The following POFUT1 variants were observed in gnomAD, a reference collection of about 807,000 sequenced individuals.
POFUT1 encodes the protein GDP-fucose protein O-fucosyltransferase 1.
POFUT1 carries 16 observed loss-of-function variants against 42.4 expected under a neutral mutation model. The ratio of observed to expected loss-of-function variants is 0.38; its 90% CI spans 0.26 to 0.57. The LOEUF is 0.57. Among genes scored for constraint, POFUT1 ranks in the 20% least tolerant of loss-of-function variants. The pLI, the probability that POFUT1 is intolerant of heterozygous loss-of-function variation, is 0.71. For synonymous variants in POFUT1, 206 were observed against 205.4 expected (o/e 1.00, Z -0.03); for missense variants, 470 against 504.6 (o/e 0.93, Z 0.66).
Position 32,234,700 on chromosome 20 carries a change from C to T in POFUT1, c.*39C>T. 1 of 1,532,718 alleles carries T rather than the reference C, an allele frequency of 6.5e-7. No homozygotes were observed. The highest frequency in any genetic ancestry group is 8.8e-7 in the Non-Finnish European group (1 of 1,130,258). The allele number at this position is 1,532,718 out of a possible 1,614,324, so 94.9% of individuals were successfully genotyped here. On this transcript the variant is annotated 3_prime_UTR_variant, in exon 7 of 7. Coordinates refer to ENST00000375749, the MANE Select transcript of POFUT1 (RefSeq NM_015352.2). ...ACCAGACCCTCTGATCCTGGAGGGACCAGAGTCTGAGCTGGTCCTTCCAGC... is the reference window on the plus strand; with the variant it reads ...ACCAGACCCTCTGATCCTGGAGGGATCAGAGTCTGAGCTGGTCCTTCCAGC...
chr20:32,217,160 A>T (rs577250340), intron 4 of POFUT1: 1 of 1,528,758 alleles, frequency 6.5e-7, no homozygotes, highest in East Asian at 2.3e-5. Context: ...CCCTGTTTTT[A>T]AAAAATATAG....
chr20:32,216,794 C>T (rs1239399453), intron 4 of POFUT1, 73 bp downstream of exon 4: 2 of 1,360,542 alleles, frequency 1.5e-6, no homozygotes, highest in Non-Finnish European at 1.0e-6. Context: ...CACCTTCTGG[C>T]ACTCTCCCCA....
intron 4 of POFUT1, among the ~76,000 whole-genome samples, chr20:32,224,143 A>G (rs1007337869): frequency 6.6e-5 from 10 of 152,160 alleles, no homozygotes; most frequent in African/African-American, 2.4e-4. Flanking sequence ...TGTAATCCCA[A>G]CACTTTGGGA....
At chr20:32,223,540 C>A (rs548246945) in intron 4 of POFUT1, 22 of 982,386 alleles carry the variant, frequency 2.2e-5, no homozygotes, top group Non-Finnish European at 2.5e-5. Flanking sequence ...TCCTGATATT[C>A]CAGCCCCACT....
chr20:32,211,110 T>C (rs2047325480), intron 2 of POFUT1, among the ~76,000 whole-genome samples: 1 of 152,124 alleles, frequency 6.6e-6, no homozygotes, highest in Admixed American at 6.6e-5. Flanking sequence ...CTGGTAATGA[T>C]TCTTGTTACC....
chr20:32,230,860 G>T lies in POFUT1; in HGVS notation c.777G>T (p.Ser259=), dbSNP rs146009948. 5.6e-6 allele frequency: 9 copies of T among 1,613,892 alleles called. No individual in the cohort carries two copies. The highest frequency in any genetic ancestry group is 7.6e-6 in the Non-Finnish European group (9 of 1,180,036). The part of the protein sequence containing the change: ...CAMLKDGTAG[S]HFMASPQCVG... ...TGCTGAAGGACGGGACTGCAGGCTC[G>T]CACTTCATGGCCTCTCCGCAGTGTG... The change falls in exon 6 of 7, where the codon TCG becomes TCT. Residue 259 remains serine, a synonymous_variant. Coordinates refer to ENST00000375749, the MANE Select transcript of POFUT1 (RefSeq NM_015352.2).
intron 4 of POFUT1, chr20:32,217,131 T>C: frequency 1.3e-6 from 2 of 1,588,434 alleles, no homozygotes; most frequent in Non-Finnish European, 1.7e-6. Context: ...GACGTGTTTA[T>C]TAATTGCACC....
intron 2 of POFUT1, among the ~76,000 whole-genome samples, chr20:32,212,327 A>G (rs909414082): frequency 5.3e-5 from 8 of 151,322 alleles, no homozygotes; most frequent in Non-Finnish European, 8.8e-5. Flanking sequence ...GGTGAAGTGC[A>G]GTGGCATGAT....
Position 32,210,121 on chromosome 20 carries a change from A to G in POFUT1, c.175A>G (p.Lys59Glu), listed in dbSNP as rs1291098420. 1.2e-6 allele frequency: 2 copies of G among 1,614,112 alleles called. No individual in the cohort carries two copies. The highest frequency in any genetic ancestry group is 1.7e-5 in the Admixed American group (1 of 60,026). ...DHFLGSLAFAKLLNRTLAVPP... is the reference protein window; with the variant it reads ...DHFLGSLAFAELLNRTLAVPP... Reference sequence around the variant, plus strand: ...CTTCTTGGGCTCTCTGGCATTTGCAAAGCTGCTAAACCGTACCTTGGCTGT... The same window carrying G: ...CTTCTTGGGCTCTCTGGCATTTGCAGAGCTGCTAAACCGTACCTTGGCTGT... The change falls in exon 2 of 7, where the codon AAG (lysine) becomes GAG (glutamate). Residue 59 changes from lysine (K) to glutamate (E), a missense_variant. Transcript: ENST00000375749.
At chr20:32,209,157 C>T (rs1045356967) in intron 1 of POFUT1, among the ~76,000 whole-genome samples, 9 of 152,200 alleles carry the variant, frequency 5.9e-5, no homozygotes, top group Non-Finnish European at 1.3e-4. Flanking sequence ...CACACATGCT[C>T]AGGTCTTCCA....
intron 4 of POFUT1, among the ~76,000 whole-genome samples, chr20:32,218,733 AAAAG>A (rs1196455038): frequency 6.6e-6 from 1 of 152,228 alleles, no homozygotes; most frequent in Non-Finnish European, 1.5e-5. Flanking sequence ...TGCCAGGAAA[AAAAG>A]AAAGAAAAAA....
At chr20:32,230,366 G>A (rs544643381) in intron 5 of POFUT1, among the ~76,000 whole-genome samples, 8 of 142,506 alleles carry the variant, frequency 5.6e-5, no homozygotes, top group Admixed American at 2.2e-4. Context: ...CAGCCTGGGC[G>A]ACAGAGCAAG....
intron 2 of POFUT1, among the ~76,000 whole-genome samples, chr20:32,213,426 A>T (rs2047341205): frequency 6.6e-6 from 1 of 151,334 alleles, no homozygotes; most frequent in South Asian, 2.1e-4. Context: ...ACTGCACTCC[A>T]ACCTGGGAGA....
Position 32,237,131 on chromosome 20 carries a change from A to T in POFUT1, c.*2470A>T, listed in dbSNP as rs1297348788. The T allele has an allele frequency of 6.6e-6, 1 of 152,256 alleles. No individual in the cohort carries two copies. Among genetic ancestry groups the T allele is most frequent in the East Asian group, 1.9e-4 (1 of 5,204 alleles). The allele number at this position is 152,256 out of a possible 1,614,324, so 9.4% of individuals were successfully genotyped here. A position where few individuals can be genotyped will look rare whatever the true frequency, so the allele number is the denominator to read the frequency against. ...AAGGAGGGGAGGTTACCCAAGAAAC[A>T]AAGCCTACATGCCGCTTACAGCCCC... On this transcript the variant is annotated 3_prime_UTR_variant, in exon 7 of 7. Transcript: ENST00000375749.
intron 4 of POFUT1, among the ~76,000 whole-genome samples, chr20:32,219,124 G>C (rs1176130199): frequency 6.6e-6 from 1 of 152,188 alleles, no homozygotes; most frequent in Non-Finnish European, 1.5e-5. Flanking sequence ...ACATGAACAA[G>C]GCAGGGAATG....
At chr20:32,219,471 TAATA>T (rs2047379449) in intron 4 of POFUT1, among the ~76,000 whole-genome samples, 1 of 151,618 alleles carries the variant, frequency 6.6e-6, no homozygotes, top group Non-Finnish European at 1.5e-5. Flanking sequence ...TGTTGCTGCA[TAATA>T]AATCACTACA....
chr20:32,222,598 G>T (rs1292072255), intron 4 of POFUT1: 2 of 985,276 alleles, frequency 2.0e-6, no homozygotes, highest in East Asian at 1.1e-4. Context: ...CTCGCCCGGG[G>T]TATGTTTGGC....
At chr20:32,208,120 A>G in intron 1 of POFUT1, 55 bp downstream of exon 1, 1 of 1,501,714 alleles carries the variant, frequency 6.7e-7, no homozygotes, top group East Asian at 2.6e-5. Context: ...GGGAGAGGAA[A>G]AGCCACTCCT....
At position 32,231,021 on chromosome 20, in the gene POFUT1, A is replaced by G; in HGVS notation, c.938A>G (p.Glu313Gly). The G allele has an allele frequency of 6.2e-7, 1 of 1,614,102 alleles. No individual in the cohort carries two copies. Among genetic ancestry groups the G allele is most frequent in the Non-Finnish European group, 8.5e-7 (1 of 1,180,022 alleles). ...AQSVYVATDS[E>G]SYVPELQQLF... is the part of the protein sequence containing the mutation. Reference sequence around the variant, plus strand: ...TCGGTCTACGTTGCTACTGATTCCGAGAGTTATGTGCCTGAGCTCCAACAG... The same window carrying G: ...TCGGTCTACGTTGCTACTGATTCCGGGAGTTATGTGCCTGAGCTCCAACAG... Residue 313 changes from glutamate (E) to glycine (G), a missense_variant, in exon 6 of 7, where the codon GAG becomes GGG. Physicochemically the swap from Glu to Gly is moderately conservative, Grantham distance 98. Coordinates refer to ENST00000375749, the MANE Select transcript of POFUT1 (RefSeq NM_015352.2).
Sources: allele counts gnomAD v4.1 joint callset (sites outside exome capture counted in the v4.1 genomes callset), GRCh38; gene constraint gnomAD v4.1.1; transcripts MANE v1.5; gene names NCBI Gene and HGNC (gene_info 2026-07-23, HGNC 2026-07-21).